The following YES1 variants were observed in gnomAD, a reference collection of about 807,000 sequenced individuals.
YES1 encodes the protein tyrosine-protein kinase Yes.
YES1 carries 39 observed loss-of-function variants against 70.4 expected under a neutral mutation model. That is an observed-to-expected ratio of 0.55 (90% CI 0.43 to 0.72). The LOEUF (loss-of-function observed/expected upper bound fraction) is 0.72, where lower values mean the gene tolerates loss of function less well. Ranked by LOEUF, YES1 falls within the 30% of genes least tolerant of loss-of-function variation. The probability of loss-of-function intolerance (pLI) is 0.00; values close to 1 mark genes in which losing one functional copy is unlikely to be tolerated. For synonymous variants in YES1, 198 were observed against 218.6 expected, an observed-to-expected ratio of 0.91 and a Z score of 0.83; for missense variants, 495 against 644.8, an observed-to-expected ratio of 0.77 and a Z score of 2.52.
chr18:790,840 T>C (rs1223534815), intron 1 of YES1, among the ~76,000 whole-genome samples: 1 of 152,260 alleles, frequency 6.6e-6, no homozygotes. Flanking sequence ...GGATGCTTTC[T>C]TGGTTGTAGT....
At chr18:777,909 A>C (rs1223576573) in intron 1 of YES1, among the ~76,000 whole-genome samples, 1 of 152,198 alleles carries the variant, frequency 6.6e-6, no homozygotes, top group Non-Finnish European at 1.5e-5. Context: ...ATAAGTTTAT[A>C]ATGTATCTGG....
rs1423779250 is a variant in YES1 at position 722,975 on chromosome 18, C to G, written c.*1449G>C. On this transcript the variant is annotated 3_prime_UTR_variant, in exon 12 of 12. Coordinates refer to ENST00000314574, the MANE Select transcript of YES1 (RefSeq NM_005433.4). ...GGCGTGGTGGTGGGCACCTGTAGTC[C>G]CAGCTACTCGGGAGGCTGAGGCAGG... 6.6e-6 allele frequency: 1 copy of G among 152,178 alleles called. No homozygotes were observed. Among genetic ancestry groups the G allele is most frequent in the Admixed American group, 6.5e-5 (1 of 15,274 alleles). The allele number at this position is 152,178 out of a possible 1,614,324, so 9.4% of individuals were successfully genotyped here. A position where few individuals can be genotyped will look rare whatever the true frequency, so the allele number is the denominator to read the frequency against.
intron 7 of YES1, 24 bp from the exon 8 acceptor site, chr18:743,121 A>T (rs1266629634): frequency 9.0e-6 from 14 of 1,557,920 alleles, no homozygotes; most frequent in Non-Finnish European, 1.2e-5. Context: ...ACATTTTAGG[A>T]ATTTATATTT....
chr18:791,137 C>A (rs1307591492), intron 1 of YES1, among the ~76,000 whole-genome samples: 1 of 151,662 alleles, frequency 6.6e-6, no homozygotes, highest in African/African-American at 2.4e-5. Context: ...GTAATCCCAG[C>A]TTCTCGGGAG....
chr18:764,980 C>A (rs1380150468), intron 1 of YES1, among the ~76,000 whole-genome samples: 2 of 150,684 alleles, frequency 1.3e-5, no homozygotes, highest in Non-Finnish European at 3.0e-5. Flanking sequence ...GTGATCCGTC[C>A]GCCTTAGCCT....
At chr18:768,627 T>C (rs1905014429) in intron 1 of YES1, among the ~76,000 whole-genome samples, 2 of 152,208 alleles carry the variant, frequency 1.3e-5, no homozygotes, top group East Asian at 3.8e-4. Context: ...GGACCACATA[T>C]ATGACGGTGG....
chr18:736,493 A>G (rs149836432), intron 10 of YES1: 11 of 204,864 alleles, frequency 5.4e-5, no homozygotes, highest in East Asian at 2.5e-4. Context: ...GTACAGGGCA[A>G]TATCTCCTCT....
intron 6 of YES1, among the ~76,000 whole-genome samples, chr18:744,857 A>G (rs963645589): frequency 2.0e-5 from 3 of 151,998 alleles, no homozygotes; most frequent in Non-Finnish European, 2.9e-5. Flanking sequence ...GGAGACACAA[A>G]GTCAGGGAAC....
intron 1 of YES1, among the ~76,000 whole-genome samples, chr18:810,563 T>C (rs1907321382): frequency 6.6e-6 from 1 of 152,212 alleles, no homozygotes; most frequent in Non-Finnish European, 1.5e-5. Context: ...AGAGTATATA[T>C]TTTAAGAGCC....
intron 1 of YES1, among the ~76,000 whole-genome samples, chr18:804,345 C>T (rs1412657650): frequency 2.0e-5 from 3 of 152,164 alleles, no homozygotes; most frequent in Admixed American, 6.5e-5. Flanking sequence ...CAGTGGCTCA[C>T]GCCTGTAATC....
intron 1 of YES1, chr18:775,158 G>A (rs760958803): frequency 3.3e-5 from 5 of 152,104 alleles, no homozygotes; most frequent in Non-Finnish European, 7.3e-5. Context: ...AAGATTAAAT[G>A]AGTAAATATA....
chr18:807,758 T>C (rs572519213), intron 1 of YES1, among the ~76,000 whole-genome samples: 3 of 152,318 alleles, frequency 2.0e-5, no homozygotes, highest in South Asian at 2.1e-4. Flanking sequence ...GGATATGCAA[T>C]GTATAGCTAA....
intron 1 of YES1, among the ~76,000 whole-genome samples, chr18:766,243 G>A (rs1943072217): frequency 6.6e-6 from 1 of 152,104 alleles, no homozygotes; most frequent in Non-Finnish European, 1.5e-5. Flanking sequence ...TTGGCTAGTT[G>A]AGCCATGAGC....
At chr18:781,545 T>A (rs1010535397) in intron 1 of YES1, among the ~76,000 whole-genome samples, 3 of 152,200 alleles carry the variant, frequency 2.0e-5, no homozygotes, top group African/African-American at 4.8e-5. Flanking sequence ...GCCTGTTTAT[T>A]TCTATCCTTC....
Position 764,383 on chromosome 18 carries a change from C to T in YES1, c.-8-7548G>A, listed in dbSNP as rs191712292. ...GATTATAGGCATGTGCCACCATGCCCGGCTAATTTTGTATTTTTAGTAGAG... is the reference window on the plus strand; with the variant it reads ...GATTATAGGCATGTGCCACCATGCCTGGCTAATTTTGTATTTTTAGTAGAG... On this transcript the variant is annotated intron_variant, in intron 1 of 11. Coordinates refer to ENST00000314574, the MANE Select transcript of YES1 (RefSeq NM_005433.4). Among the ~76,000 whole-genome samples, 538 of 152,112 alleles carry T rather than the reference C, an allele frequency of 3.5e-3. 4 individuals are homozygous for T. Among genetic ancestry groups the T allele is most frequent in the African/African-American group, 0.012 (506 of 41,510 alleles).
At chr18:745,654 C>A in intron 6 of YES1, 54 bp downstream of exon 6, 1 of 1,497,490 alleles carries the variant, frequency 6.7e-7, no homozygotes, top group South Asian at 1.3e-5. Context: ...TGGATTTTGT[C>A]CTCATAAACT....
intron 11 of YES1, among the ~76,000 whole-genome samples, chr18:732,601 G>T (rs1306412977): frequency 1.3e-5 from 2 of 152,062 alleles, no homozygotes; most frequent in Non-Finnish European, 2.9e-5. Context: ...AGGTGAATGT[G>T]GGGCCTATCT....
rs1392375078 is a variant in YES1, at chr18:783,051, T to A, written c.-8-26216A>T. On this transcript the variant is annotated intron_variant, in intron 1 of 11. Coordinates refer to ENST00000314574, the MANE Select transcript of YES1 (RefSeq NM_005433.4). ...CTACAAAGGTTAACTTTTTTTTTTT[T>A]AAGAAAAGTATGTAAAGATATCCTA... 5.3e-5 allele frequency among the ~76,000 whole-genome samples: 8 copies of A among 150,982 alleles called. No individual in the cohort carries two copies. The East Asian group carries it at 1.2e-3, about 22-fold the overall frequency.
intron 11 of YES1, among the ~76,000 whole-genome samples, chr18:730,793 G>C (rs1487945091): frequency 6.6e-6 from 1 of 152,130 alleles, no homozygotes; most frequent in Non-Finnish European, 1.5e-5. Context: ...CTCCATCATA[G>C]CTAAAACTGA....
Sources: allele counts gnomAD v4.1 joint callset (sites outside exome capture counted in the v4.1 genomes callset), GRCh38; gene constraint gnomAD v4.1.1; transcripts MANE v1.5; gene names NCBI Gene and HGNC (gene_info 2026-07-23, HGNC 2026-07-21).